The following STPG2 variants were observed in gnomAD, a reference collection of about 807,000 sequenced individuals.
The protein encoded by STPG2 is sperm tail PG-rich repeat containing 2, also known as sperm-tail PG-rich repeat-containing protein 2.
In STPG2, 56 loss-of-function variants were observed where a neutral mutation model predicts 54.2. That is an observed-to-expected ratio of 1.03 (90% CI 0.83 to 1.29). The LOEUF (loss-of-function observed/expected upper bound fraction) is 1.29, where lower values mean the gene tolerates loss of function less well. Among genes scored for constraint, STPG2 ranks in the 50% most tolerant of loss-of-function variants. The pLI, the probability that STPG2 is intolerant of heterozygous loss-of-function variation, is 0.00. For synonymous variants in STPG2, 200 were observed against 181.8 expected, an observed-to-expected ratio of 1.10 and a Z score of -0.81; for missense variants, 596 against 544.9, an observed-to-expected ratio of 1.09 and a Z score of -0.93.
intron 5 of STPG2, among the ~76,000 whole-genome samples, chr4:97,986,336 A>T (rs1734832430): frequency 6.6e-6 from 1 of 152,232 alleles, no homozygotes; most frequent in Non-Finnish European, 1.5e-5. Context: ...TGCTAGTATT[A>T]TAATTGTCTT....
intron 8 of STPG2, among the ~76,000 whole-genome samples, chr4:97,903,600 G>A (rs2149189176): frequency 6.6e-6 from 1 of 152,236 alleles, no homozygotes; most frequent in South Asian, 2.1e-4. Flanking sequence ...AAAAAAAGAG[G>A]GGAAGGAGCC....
intron 9 of STPG2, among the ~76,000 whole-genome samples, chr4:97,772,898 C>A (rs894275402): frequency 2.6e-5 from 4 of 152,136 alleles, no homozygotes; most frequent in Non-Finnish European, 4.4e-5. Flanking sequence ...TTTTGGAAGC[C>A]TGTACCATTG....
intron 5 of STPG2, among the ~76,000 whole-genome samples, chr4:97,988,794 T>G (rs953197674): frequency 3.9e-5 from 6 of 152,158 alleles, no homozygotes; most frequent in African/African-American, 1.4e-4. Context: ...TTGGTAGAGA[T>G]GGGTTTTTGC....
At chr4:98,021,457 A>G in intron 5 of STPG2, among the ~76,000 whole-genome samples, 1 of 151,618 alleles carries the variant, frequency 6.6e-6, no homozygotes, top group Non-Finnish European at 1.5e-5. Context: ...TCAATTTTGG[A>G]ATAGGTGTGG....
intron 5 of STPG2, among the ~76,000 whole-genome samples, chr4:98,105,635 A>G (rs914245810): frequency 1.3e-5 from 2 of 152,092 alleles, no homozygotes; most frequent in Non-Finnish European, 2.9e-5. Flanking sequence ...CCAGCAGTAA[A>G]TGGTAATAAT....
At chr4:98,025,510 T>C (rs1736385709) in intron 5 of STPG2, 1 of 629,230 alleles carries the variant, frequency 1.6e-6, no homozygotes, top group Non-Finnish European at 3.0e-6. Flanking sequence ...AGGATAAAAA[T>C]AAATATAAAA....
At chr4:97,834,193 T>C (rs924613670) in intron 9 of STPG2, among the ~76,000 whole-genome samples, 2 of 152,054 alleles carry the variant, frequency 1.3e-5, no homozygotes, top group African/African-American at 4.8e-5. Flanking sequence ...AAAGAATGAG[T>C]TAATGTCCTT....
intron 4 of STPG2, among the ~76,000 whole-genome samples, chr4:97,461,625 C>A (rs944946336): frequency 1.2e-4 from 18 of 152,082 alleles, no homozygotes; most frequent in Non-Finnish European, 1.5e-4. Flanking sequence ...TGTTTATAAC[C>A]CACCCAGTCT....
At chr4:98,040,329 G>A (rs1265429410) in intron 5 of STPG2, among the ~76,000 whole-genome samples, 3 of 151,620 alleles carry the variant, frequency 2.0e-5, no homozygotes, top group Non-Finnish European at 4.4e-5. Flanking sequence ...GTTTAATTAA[G>A]TCCCATTTGC....
At chr4:97,768,893 G>A (rs548258180) in intron 9 of STPG2, among the ~76,000 whole-genome samples, 2 of 151,706 alleles carry the variant, frequency 1.3e-5, no homozygotes, top group African/African-American at 4.8e-5. Context: ...GTAGAGATGG[G>A]GTTTCACCAC....
intron 4 of STPG2, among the ~76,000 whole-genome samples, chr4:97,550,741 CAG>C (rs1731946682): frequency 6.6e-6 from 1 of 152,066 alleles, no homozygotes; most frequent in African/African-American, 2.4e-5. Flanking sequence ...CAGATGTGTT[CAG>C]AGTTTCTTCC....
intron 9 of STPG2, among the ~76,000 whole-genome samples, chr4:97,757,759 C>A (rs1199609927): frequency 6.6e-6 from 1 of 152,090 alleles, no homozygotes; most frequent in Non-Finnish European, 1.5e-5. Context: ...TTTTCTTTGT[C>A]ATTTTCTTGT....
intron 4 of STPG2, among the ~76,000 whole-genome samples, chr4:97,458,592 C>T (rs1463062540): frequency 4.6e-5 from 7 of 151,986 alleles, no homozygotes; most frequent in Admixed American, 2.6e-4. Flanking sequence ...TTAATTCATA[C>T]GTTTGATTGA....
intron 4 of STPG2, among the ~76,000 whole-genome samples, chr4:97,466,671 G>T (rs1202293174): frequency 1.3e-5 from 2 of 151,722 alleles, no homozygotes; most frequent in African/African-American, 4.8e-5. Context: ...ATCGTTTATG[G>T]TTATATTATT....
At chr4:97,836,115 G>A (rs985810151) in intron 9 of STPG2, among the ~76,000 whole-genome samples, 2 of 151,962 alleles carry the variant, frequency 1.3e-5, no homozygotes, top group Non-Finnish European at 2.9e-5. Context: ...GGTTAGGGAG[G>A]ATTAACCCCA....
At position 97,910,310 on chromosome 4, in the gene STPG2, G is replaced by T. The variant is rs376770911; in HGVS notation, c.1044+33587C>A. 1.9e-4 allele frequency among the ~76,000 whole-genome samples: 29 copies of T among 152,266 alleles called. No homozygotes were observed. The East Asian group carries it at 2.3e-3, about 12-fold the overall frequency. ...CCCAGCTAGATAATAGTTGAGAAGT[G>T]GTAGATTATGGAAAGGTCGGGGAAA... On this transcript the variant is annotated intron_variant, in intron 8 of 10. Transcript: ENST00000295268.
chr4:97,450,221 A>G (rs938899997), intron 4 of STPG2, among the ~76,000 whole-genome samples: 3 of 152,192 alleles, frequency 2.0e-5, no homozygotes, highest in African/African-American at 7.2e-5. Flanking sequence ...ATAATCCAAA[A>G]TATTTCATGA....
intron 5 of STPG2, chr4:98,026,282 T>C: frequency 2.7e-6 from 2 of 742,354 alleles, no homozygotes; most frequent in Non-Finnish European, 4.6e-6. Context: ...AACAATTTTC[T>C]ATGAAGATTT....
chr4:97,446,911 C>A lies in STPG2; in HGVS notation c.463-259078G>T, dbSNP rs4699314. On this transcript the variant is annotated intron_variant, in intron 4 of 4. Coordinates refer to the STPG2 transcript ENST00000522676. ...AATTGGTACAAGAAGTGGGGTACTG[C>A]TATAAAGATAACATGAAAATGTGGA... Among the ~76,000 whole-genome samples, 3 of 152,220 alleles carry A rather than the reference C, an allele frequency of 2.0e-5. No individual in the cohort carries two copies. The South Asian group carries it at 6.2e-4, about 32-fold the overall frequency.
Sources: gnomAD v4.1 joint callset for allele counts (sites outside exome capture counted in the v4.1 genomes callset) on GRCh38, gnomAD v4.1.1 for gene constraint, MANE v1.5 for transcripts, NCBI Gene and HGNC (gene_info 2026-07-23, HGNC 2026-07-21) for gene names.